Variants in RAP1GAP2 observed in about 807,000 individuals in gnomAD.
RAP1GAP2 encodes rap1 GTPase-activating protein 2.
RAP1GAP2 carries 27 observed loss-of-function variants against 95.0 expected under a neutral mutation model. The ratio of observed to expected loss-of-function variants is 0.28; its 90% CI spans 0.21 to 0.39. The LOEUF (loss-of-function observed/expected upper bound fraction) is 0.39. Ranked by LOEUF, RAP1GAP2 falls within the 10% of genes least tolerant of loss-of-function variation. RAP1GAP2 has a pLI of 1.00. For missense variants in RAP1GAP2, 771 were observed against 970.0 expected (o/e 0.79, Z 2.72); for synonymous variants, 373 against 380.9 (o/e 0.98, Z 0.24).
At chr17:2,794,874 T>G (rs2069025408), upstream of RAP1GAP2, among the ~76,000 whole-genome samples, 3 of 138,406 alleles carry the variant, frequency 2.2e-5, no homozygotes, top group Non-Finnish European at 4.7e-5. Flanking sequence ...TTTTTCCTTT[T>G]TTTTTTTTTT....
At chr17:2,778,608 C>T (rs1043485346) in intron 1 of RAP1GAP2, among the ~76,000 whole-genome samples, 1 of 152,108 alleles carries the variant, frequency 6.6e-6, no homozygotes, top group African/African-American at 2.4e-5. Context: ...GGGACCCTGG[C>T]ATGGATGGGG....
At chr17:2,893,089 G>T (rs4790100) in intron 2 of RAP1GAP2, among the ~76,000 whole-genome samples, 1 of 151,530 alleles carries the variant, frequency 6.6e-6, no homozygotes, top group African/African-American at 2.4e-5. Flanking sequence ...GTGTAGTAGC[G>T]TGATCTTGGC....
chr17:2,881,902 C>G (rs1027298499), intron 2 of RAP1GAP2, among the ~76,000 whole-genome samples: 1 of 152,090 alleles, frequency 6.6e-6, no homozygotes, highest in Admixed American at 6.6e-5. Flanking sequence ...CTCACTGCAA[C>G]CTCTGTCTCC....
chr17:2,802,806 A>G (rs1220222146), intron 2 of RAP1GAP2, among the ~76,000 whole-genome samples: 1 of 152,012 alleles, frequency 6.6e-6, no homozygotes, highest in Admixed American at 6.6e-5. Context: ...ATGAAGCAGG[A>G]TAGTAGGACC....
intron 2 of RAP1GAP2, among the ~76,000 whole-genome samples, chr17:2,897,615 C>A (rs533913212): frequency 5.9e-5 from 9 of 152,066 alleles, no homozygotes; most frequent in African/African-American, 2.2e-4. Flanking sequence ...CCACCTCAGC[C>A]TCCCAAGGTG....
upstream of RAP1GAP2, chr17:2,796,335 T>G (rs1031677392): frequency 1.4e-5 from 9 of 632,388 alleles, no homozygotes; most frequent in Admixed American, 2.7e-5. The surrounding 1 kb of genome is among the most constrained non-coding windows in gnomAD (Gnocchi z 4.7). Flanking sequence ...CCTCCTGGAG[T>G]GCAGGACACA....
At chr17:2,834,216 AT>A (rs1393667633) in intron 2 of RAP1GAP2, among the ~76,000 whole-genome samples, 1 of 152,110 alleles carries the variant, frequency 6.6e-6, no homozygotes, top group African/African-American at 2.4e-5. Flanking sequence ...CTGGCTTTAG[AT>A]TTTCATCCTA....
rs10605718 is a variant in RAP1GAP2, at chr17:2,825,983, G to GT, written c.80+25448dup. On this transcript the variant is annotated intron_variant, in intron 2 of 24. Transcript: ENST00000254695. This position sits in a 1 kb window ranked among gnomAD's most constrained non-coding sequence, Gnocchi z 4.1. ...TTTTCTTTTTTCTTTCTTTCTTTCT[G>GT]TTTTTTTTTTTTTTTGAGACGGAGT... Among the ~76,000 whole-genome samples the GT allele has an allele frequency of 0.012, 1,592 of 127,574 alleles. 25 individuals are homozygous for GT. Among genetic ancestry groups the GT allele is most frequent in the African/African-American group, 0.034 (1,097 of 32,006 alleles). 83.7% of individuals were successfully genotyped at this position (127,574 alleles called of 152,430 possible).
intron 2 of RAP1GAP2, among the ~76,000 whole-genome samples, chr17:2,823,310 A>G (rs1289360397): frequency 6.6e-6 from 1 of 152,130 alleles, no homozygotes; most frequent in Non-Finnish European, 1.5e-5. Flanking sequence ...CCCGGGGCCT[A>G]AGGGCCTCAG....
chr17:2,780,018 G>C (rs978134714), intron 1 of RAP1GAP2, among the ~76,000 whole-genome samples: 5 of 152,102 alleles, frequency 3.3e-5, no homozygotes, highest in Admixed American at 2.6e-4. Flanking sequence ...CTGGGGCAGT[G>C]TTCGTAGTTC....
chr17:2,889,202 G>T lies in RAP1GAP2; in HGVS notation c.81-16082G>T, dbSNP rs374320244. 2.0e-5 allele frequency among the ~76,000 whole-genome samples: 3 copies of T among 152,232 alleles called. No homozygotes were observed. In the East Asian group the frequency reaches 5.8e-4, roughly 29 times the overall value. On this transcript the variant is annotated intron_variant, in intron 2 of 24. Transcript: ENST00000254695. ...GTGCTCACTTACGTTCCCACCAATC[G>T]TGTCTCAGGCTCTTGAGCAGGGAGA... is the stretch of plus-strand genomic sequence containing the variant.
chr17:2,944,572 C>T (rs915141136), intron 3 of RAP1GAP2, among the ~76,000 whole-genome samples: 1 of 152,172 alleles, frequency 6.6e-6, no homozygotes, highest in Non-Finnish European at 1.5e-5. Context: ...AATATGAGTT[C>T]TCCACCTTTG....
At chr17:2,940,127 T>TG (rs1367164761) in intron 3 of RAP1GAP2, among the ~76,000 whole-genome samples, 1 of 152,052 alleles carries the variant, frequency 6.6e-6, no homozygotes, top group Non-Finnish European at 1.5e-5. Flanking sequence ...CCCTGCTGCC[T>TG]GGAGGGGGTG....
At chr17:2,934,887 G>C (rs919209737) in intron 3 of RAP1GAP2, among the ~76,000 whole-genome samples, 2 of 152,186 alleles carry the variant, frequency 1.3e-5, no homozygotes. Context: ...ATCAGTCTTA[G>C]CTATTCGTGT....
At chr17:2,873,474 C>CAA (rs71153308) in intron 2 of RAP1GAP2, among the ~76,000 whole-genome samples, 139 of 11,420 alleles carry the variant, frequency 0.012, 56 homozygotes, top group Non-Finnish European at 0.016. Flanking sequence ...GACCCTGTCT[C>CAA]AAAAAAAAAA....
intron 2 of RAP1GAP2, among the ~76,000 whole-genome samples, chr17:2,869,622 C>T (rs1253576294): frequency 6.6e-6 from 1 of 152,122 alleles, no homozygotes; most frequent in Non-Finnish European, 1.5e-5. Context: ...CTCCCTTCCC[C>T]AACAGCCCAC....
chr17:2,867,112 G>C lies in RAP1GAP2; in HGVS notation c.81-38172G>C, dbSNP rs1284003788. Among the ~76,000 whole-genome samples the C allele has an allele frequency of 6.6e-6, 1 of 151,574 alleles. No homozygotes were observed. Among genetic ancestry groups the C allele is most frequent in the Non-Finnish European group, 1.5e-5 (1 of 67,938 alleles). On this transcript the variant is annotated intron_variant, in intron 2 of 24. Coordinates refer to ENST00000254695, the MANE Select transcript of RAP1GAP2 (RefSeq NM_015085.5). The surrounding 1 kb of genome is among the most constrained non-coding windows in gnomAD (Gnocchi z 4.5). Reference sequence around the variant, plus strand: ...GACGGGGTTTCACCATGTTGGCCAGGCTGGTCTCGAACTCCTGGTGTCGTG... The same window carrying C: ...GACGGGGTTTCACCATGTTGGCCAGCCTGGTCTCGAACTCCTGGTGTCGTG...
chr17:2,808,314 G>T (rs2069609125), intron 2 of RAP1GAP2, among the ~76,000 whole-genome samples: 1 of 152,178 alleles, frequency 6.6e-6, no homozygotes, highest in Non-Finnish European at 1.5e-5. Context: ...CTCTCAGAAG[G>T]CTTCCTGTGA....
At chr17:2,852,952 G>C (rs1224807494) in intron 2 of RAP1GAP2, among the ~76,000 whole-genome samples, 1 of 151,974 alleles carries the variant, frequency 6.6e-6, no homozygotes, top group Non-Finnish European at 1.5e-5. Flanking sequence ...AGGGGCGGGA[G>C]GGACCACGCG....
Sources: gnomAD v4.1 joint callset for allele counts (sites outside exome capture counted in the v4.1 genomes callset) on GRCh38, gnomAD v4.1.1 for gene constraint, Gnocchi (gnomAD v3.1) non-coding constraint, MANE v1.5 for transcripts, NCBI Gene and HGNC (gene_info 2026-07-23, HGNC 2026-07-21) for gene names.